CSGALNACT1: variants seen among roughly 807,000 people sequenced by gnomAD.
CSGALNACT1 encodes beta4GalNAcT-1.
A neutral mutation model predicts 51.0 loss-of-function variants in CSGALNACT1; 52 were observed. The ratio of observed to expected loss-of-function variants is 1.02; its 90% CI spans 0.82 to 1.29. The LOEUF (loss-of-function observed/expected upper bound fraction) is 1.29, where lower values mean the gene tolerates loss of function less well. Ranked by LOEUF, CSGALNACT1 falls within the 50% of genes most tolerant of loss-of-function variation. The pLI is 0.00. For synonymous variants in CSGALNACT1, 341 were observed against 254.4 expected, an observed-to-expected ratio of 1.34 and a Z score of -3.24; for missense variants, 935 against 679.2, an observed-to-expected ratio of 1.38 and a Z score of -4.19.
At chr8:19,631,926 C>G (rs1203039725) in intron 1 of CSGALNACT1, among the ~76,000 whole-genome samples, 1 of 149,814 alleles carries the variant, frequency 6.7e-6, no homozygotes, top group East Asian at 1.9e-4. Flanking sequence ...TCCAGATGTT[C>G]TCTCACATTT....
At chr8:19,450,650 A>G in intron 5 of CSGALNACT1, among the ~76,000 whole-genome samples, 1 of 152,096 alleles carries the variant, frequency 6.6e-6, no homozygotes, top group South Asian at 2.1e-4. Context: ...TAATCCCAAC[A>G]CTTTGGGAGG....
intron 1 of CSGALNACT1, among the ~76,000 whole-genome samples, chr8:19,750,872 C>A (rs2064985793): frequency 2.0e-5 from 3 of 152,128 alleles, no homozygotes; most frequent in African/African-American, 7.2e-5. Context: ...CTTATTCATA[C>A]TTTCTGCTTG....
rs533952679 is a variant in CSGALNACT1, at chr8:19,447,795, G to C, written c.852-7864C>G. ...AAAGTGATGCACACCCCTAGGGTGG[G>C]TCCTGTTCTCCAACCAGCTTTTGTG... On this transcript the variant is annotated intron_variant, in intron 5 of 9. Transcript: ENST00000454498. Among the ~76,000 whole-genome samples, 6 of 152,320 alleles carry C rather than the reference G, an allele frequency of 3.9e-5. No homozygotes were observed. The East Asian group carries it at 9.6e-4, about 24-fold the overall frequency.
chr8:19,477,979 C>A (rs2070200772), intron 4 of CSGALNACT1, among the ~76,000 whole-genome samples: 1 of 152,096 alleles, frequency 6.6e-6, no homozygotes, highest in African/African-American at 2.4e-5. Flanking sequence ...AACACAGTTT[C>A]CAGGGACCCC....
chr8:19,458,297 A>G (rs771419676), intron 5 of CSGALNACT1, 129 bp downstream of exon 4: 3 of 875,578 alleles, frequency 3.4e-6, no homozygotes, highest in Non-Finnish European at 5.9e-6. Flanking sequence ...TTACGTGGAG[A>G]AAACAGAGCT....
chr8:19,420,710 C>G (rs2057789083), intron 6 of CSGALNACT1, among the ~76,000 whole-genome samples, 192 bp from the exon 6 acceptor site: 1 of 152,228 alleles, frequency 6.6e-6, no homozygotes, highest in Admixed American at 6.5e-5. Context: ...GTACCAAGAA[C>G]ACCTAGTGGA....
At position 19,538,922 on chromosome 8, in the gene CSGALNACT1, T is replaced by G. The variant is rs188732727; in HGVS notation, c.-296-32792A>C. ...TTTGCTCTGCCTGGACCGCTCATCCTGAGATGTTGTCCCTCCTGGCTCCTT... is the reference window on the plus strand; with the variant it reads ...TTTGCTCTGCCTGGACCGCTCATCCGGAGATGTTGTCCCTCCTGGCTCCTT... On this transcript the variant is annotated intron_variant, in intron 3 of 9. Transcript: ENST00000454498. Among the ~76,000 whole-genome samples, 24 of 152,308 alleles carry G rather than the reference T, an allele frequency of 1.6e-4. No individual in the cohort carries two copies. In the East Asian group the frequency reaches 4.6e-3, roughly 29 times the overall value.
At chr8:19,546,790 T>G (rs192283278) in intron 3 of CSGALNACT1, among the ~76,000 whole-genome samples, 9 of 152,290 alleles carry the variant, frequency 5.9e-5, no homozygotes, top group African/African-American at 1.9e-4. Flanking sequence ...CACAGGTGAC[T>G]AGGAAGGCTC....
intron 5 of CSGALNACT1, among the ~76,000 whole-genome samples, chr8:19,454,068 T>C (rs529800233): frequency 2.9e-4 from 44 of 152,354 alleles, no homozygotes; most frequent in African/African-American, 1.1e-3. Flanking sequence ...AAAGTGGTCT[T>C]ACACTTCACC....
chr8:19,543,121 G>A (rs1274200575), intron 3 of CSGALNACT1, among the ~76,000 whole-genome samples: 7 of 152,118 alleles, frequency 4.6e-5, no homozygotes, highest in Admixed American at 4.6e-4. Context: ...GGCTCACGGA[G>A]TTTTCAAAAC....
At chr8:19,537,817 TC>T (rs1275506972) in intron 3 of CSGALNACT1, among the ~76,000 whole-genome samples, 1 of 152,140 alleles carries the variant, frequency 6.6e-6, no homozygotes, top group East Asian at 1.9e-4. Context: ...TAGGACAAAA[TC>T]TTTGAGATCT....
chr8:19,734,102 A>G (rs2063836163), intron 1 of CSGALNACT1, among the ~76,000 whole-genome samples: 1 of 152,168 alleles, frequency 6.6e-6, no homozygotes, highest in Non-Finnish European at 1.5e-5. Context: ...ATTATAACAG[A>G]ACCTGAATGG....
Position 19,460,561 on chromosome 8 carries a change from A to T in CSGALNACT1, c.635-1919T>A, listed in dbSNP as rs766000973. Among the ~76,000 whole-genome samples the T allele has an allele frequency of 2.0e-5, 3 of 152,062 alleles. No homozygotes were observed. The East Asian group carries it at 5.8e-4, about 29-fold the overall frequency. On this transcript the variant is annotated intron_variant, in intron 4 of 9. Coordinates refer to ENST00000454498, the Ensembl canonical transcript of CSGALNACT1. ...AATCCCCACAGTGAACCAAGAATGC[A>T]CCTCCCAGTCACTGACTGGCTACAG...
intron 8 of CSGALNACT1, among the ~76,000 whole-genome samples, chr8:19,415,900 C>A (rs969369712): frequency 1.7e-4 from 26 of 152,150 alleles, no homozygotes; most frequent in African/African-American, 6.0e-4. Flanking sequence ...AACGACACAA[C>A]TGTAAGCATA....
At chr8:19,630,068 G>A (rs1009461821) in intron 1 of CSGALNACT1, among the ~76,000 whole-genome samples, 9 of 152,104 alleles carry the variant, frequency 5.9e-5, no homozygotes, top group African/African-American at 2.2e-4. Flanking sequence ...TGGAAAAACT[G>A]GGCAGGCCTC....
chr8:19,544,450 T>G (rs1319219461), intron 3 of CSGALNACT1, among the ~76,000 whole-genome samples: 1 of 152,226 alleles, frequency 6.6e-6, no homozygotes, highest in Non-Finnish European at 1.5e-5. Flanking sequence ...CATTTTTATT[T>G]TTTTCTCCAA....
At chr8:19,560,812 A>G (rs1162237590) in intron 3 of CSGALNACT1, among the ~76,000 whole-genome samples, 18 of 152,216 alleles carry the variant, frequency 1.2e-4, no homozygotes, top group Admixed American at 1.2e-3. Flanking sequence ...GGGTTGATAG[A>G]GAAAGGCATG....
At chr8:19,712,603 T>C (rs1188854534) in intron 1 of CSGALNACT1, among the ~76,000 whole-genome samples, 1 of 152,062 alleles carries the variant, frequency 6.6e-6, no homozygotes, top group Non-Finnish European at 1.5e-5. Flanking sequence ...GCAAATCTCT[T>C]CCTTATTGCC....
chr8:19,666,821 GAGAGAGAGAGAGAAAGAAAGAAAGAA>G lies in CSGALNACT1; in HGVS notation c.-544+15626_-544+15651del, dbSNP rs1589379803. Among the ~76,000 whole-genome samples, 59 of 66,330 alleles carry G rather than the reference GAGAGAGAGAGAGAAAGAAAGAAAGAA, an allele frequency of 8.9e-4. 3 individuals are homozygous for G. The highest frequency in any genetic ancestry group is 1.8e-3 in the East Asian group (5 of 2,772). The allele number at this position is 66,330 out of a possible 152,430, so 43.5% of individuals were successfully genotyped here. A position where few individuals can be genotyped will look rare whatever the true frequency, so the allele number is the denominator to read the frequency against. Reference sequence around the variant, plus strand: ...AAAGAAAGAAAGAAAGAGAGAGAGAGAGAGAGAGAGAGAAAGAAAGAAAGAAAGAAAGAAAGAAAGAAAGAAAGAAA... The same window carrying G: ...AAAGAAAGAAAGAAAGAGAGAGAGAGAGAAAGAAAGAAAGAAAGAAAGAAA... On this transcript the variant is annotated intron_variant, in intron 1 of 9. Transcript: ENST00000332246.
Sources: gnomAD v4.1 joint callset for allele counts (sites outside exome capture counted in the v4.1 genomes callset) on GRCh38, gnomAD v4.1.1 for gene constraint, MANE v1.5 for transcripts, NCBI Gene and HGNC (gene_info 2026-07-23, HGNC 2026-07-21) for gene names.